Variants in OGFOD1 observed in about 807,000 individuals in gnomAD.
The protein encoded by OGFOD1 is prolyl 3-hydroxylase OGFOD1.
OGFOD1 carries 54 observed loss-of-function variants against 67.7 expected under a neutral mutation model. The observed-to-expected ratio is 0.80, with a 90% CI of 0.64 to 1.00. The LOEUF is 1.00. Among genes scored for constraint, OGFOD1 ranks in the 50% least tolerant of loss-of-function variants. OGFOD1 has a pLI of 0.00. For missense variants in OGFOD1, 606 were observed against 646.7 expected, an observed-to-expected ratio of 0.94 and a Z score of 0.68; for synonymous variants, 221 against 227.0, an observed-to-expected ratio of 0.97 and a Z score of 0.24.
In OGFOD1 at chr16:56,476,348, T is replaced by C. The variant is rs962504233; in HGVS notation, c.*143T>C. On this transcript the variant is annotated 3_prime_UTR_variant, in exon 13 of 13. Transcript: ENST00000566157. ...ACTGGTTGTCTTTTACTAGGACTCA[T>C]AATGATTGTCCTCAACCGAGACCTT... 4 of 646,824 alleles carry C rather than the reference T, an allele frequency of 6.2e-6. No individual in the cohort carries two copies. Among genetic ancestry groups the C allele is most frequent in the African/African-American group, 5.6e-5 (3 of 53,330 alleles). The allele number at this position is 646,824 out of a possible 1,614,324, so 40.1% of individuals were successfully genotyped here. A position where few individuals can be genotyped will look rare whatever the true frequency, so the allele number is the denominator to read the frequency against.
At chr16:56,471,286 G>A (rs779761250) in intron 10 of OGFOD1, among the ~76,000 whole-genome samples, 1 of 151,754 alleles carries the variant, frequency 6.6e-6, no homozygotes, top group Non-Finnish European at 1.5e-5. Context: ...CACTTGAACC[G>A]GGGAGGAGGA....
intron 1 of OGFOD1, among the ~76,000 whole-genome samples, chr16:56,452,642 G>C (rs1962380087): frequency 6.6e-6 from 1 of 152,118 alleles, no homozygotes; most frequent in Non-Finnish European, 1.5e-5. Context: ...CTGTAGAATG[G>C]GGAGAGTGAT....
At chr16:56,452,817 G>A (rs143254332) in intron 1 of OGFOD1, among the ~76,000 whole-genome samples, 1 of 152,004 alleles carries the variant, frequency 6.6e-6, no homozygotes, top group Non-Finnish European at 1.5e-5. Flanking sequence ...GAACTGAACT[G>A]ATTTTTTTTT....
At chr16:56,453,181 T>G in intron 1 of OGFOD1, 82 bp from the exon 2 acceptor site, 1 of 1,422,176 alleles carries the variant, frequency 7.0e-7, no homozygotes, top group Non-Finnish European at 9.5e-7. Flanking sequence ...GACCATCCCC[T>G]TTTGTATTAG....
chr16:56,472,133 C>A (rs1327161625), intron 10 of OGFOD1, among the ~76,000 whole-genome samples: 2 of 151,692 alleles, frequency 1.3e-5, no homozygotes, highest in Non-Finnish European at 2.9e-5. Flanking sequence ...AACTAATTTT[C>A]TTGATTTTTT....
chr16:56,468,552 T>C (rs1266355448), intron 8 of OGFOD1, among the ~76,000 whole-genome samples: 1 of 151,928 alleles, frequency 6.6e-6, no homozygotes, highest in African/African-American at 2.4e-5. Context: ...TGAAACCCCA[T>C]CTCTACTAGA....
intron 4 of OGFOD1, among the ~76,000 whole-genome samples, chr16:56,463,341 A>G (rs1962780292): frequency 7.0e-6 from 1 of 142,106 alleles, no homozygotes; most frequent in African/African-American, 2.7e-5. Context: ...AGGAAAAGCC[A>G]TATCATGTAT....
At chr16:56,462,347 ATTAGAC>A (rs1365997169) in intron 3 of OGFOD1, among the ~76,000 whole-genome samples, 181 bp from the exon 4 acceptor site, 6 of 152,322 alleles carry the variant, frequency 3.9e-5, no homozygotes, top group African/African-American at 7.2e-5. Context: ...TTCTGGGAAC[ATTAGAC>A]TTAAACTATG....
At chr16:56,473,180 C>A (rs138799895) in intron 10 of OGFOD1, among the ~76,000 whole-genome samples, 1 of 152,080 alleles carries the variant, frequency 6.6e-6, no homozygotes, top group Non-Finnish European at 1.5e-5. Flanking sequence ...TCCGCCCACC[C>A]TGGCCTCCCA....
At chr16:56,472,455 A>G (rs944583442) in intron 10 of OGFOD1, among the ~76,000 whole-genome samples, 2 of 152,234 alleles carry the variant, frequency 1.3e-5, no homozygotes, top group African/African-American at 4.8e-5. Flanking sequence ...ACTGTTTACG[A>G]AGTTTACCAT....
rs763472727 is a variant in OGFOD1, at chr16:56,451,782, C to T, written c.154+16C>T. The T allele has an allele frequency of 1.9e-6, 3 of 1,611,204 alleles. No individual in the cohort carries two copies. Among genetic ancestry groups the T allele is most frequent in the Admixed American group, 1.7e-5 (1 of 59,944 alleles). ...TTCAGTCACGGTAACCGGGTGCTCT[C>T]AGGGAGGGGCCGCCACGCAGAGGTC... On this transcript the variant is annotated intron_variant, in intron 1 of 12. Transcript: ENST00000566157.
Position 56,469,824 on chromosome 16 carries a change from T to C in OGFOD1, c.901-179T>C, listed in dbSNP as rs181725852. Reference sequence around the variant, plus strand: ...GAGATCACGCCATTGTACTCCAGCCTGGGCAACAAGAGTGAAACTCCATCT... The same window carrying C: ...GAGATCACGCCATTGTACTCCAGCCCGGGCAACAAGAGTGAAACTCCATCT... On this transcript the variant is annotated intron_variant, in intron 8 of 12. Transcript: ENST00000566157. Among the ~76,000 whole-genome samples, 389 of 111,858 alleles carry C rather than the reference T, an allele frequency of 3.5e-3. 2 individuals carry two copies. Among genetic ancestry groups the C allele is most frequent in the African/African-American group, 0.014 (372 of 26,530 alleles). 73.4% of individuals were successfully genotyped at this position (111,858 alleles called of 152,430 possible).
intron 5 of OGFOD1, 85 bp from the exon 6 acceptor site, chr16:56,466,791 A>C: frequency 1.0e-6 from 1 of 991,092 alleles, no homozygotes; most frequent in Non-Finnish European, 1.6e-6. Context: ...AGATGCCCTC[A>C]GAAGTTTGGA....
intron 8 of OGFOD1, 71 bp downstream of exon 8, chr16:56,468,089 G>A: frequency 1.3e-6 from 1 of 747,758 alleles, no homozygotes; most frequent in Non-Finnish European, 2.4e-6. Flanking sequence ...GGGTGAATAG[G>A]CATCACTGGG....
intron 3 of OGFOD1, among the ~76,000 whole-genome samples, chr16:56,459,661 C>T (rs11649379): frequency 0.24 from 37,198 of 151,876 alleles, 5,114 homozygotes; most frequent in African/African-American, 0.37. Flanking sequence ...AGCATTTTTT[C>T]CTTAGTGATA....
Position 56,469,991 on chromosome 16 carries a change from C to T in OGFOD1, c.901-12C>T, listed in dbSNP as rs1317825393. ...GATCTGCTGAATGCTTCTTTATTTG[C>T]TCATTTTCTAGCCTGAGAAATTCAC... On this transcript the variant is annotated splice_polypyrimidine_tract_variant and intron_variant, in intron 8 of 12. Coordinates refer to ENST00000566157, the MANE Select transcript of OGFOD1 (RefSeq NM_018233.4). 5 of 1,612,852 alleles carry T rather than the reference C, an allele frequency of 3.1e-6. No homozygotes were observed. Among genetic ancestry groups the T allele is most frequent in the African/African-American group, 1.3e-5 (1 of 74,782 alleles).
intron 10 of OGFOD1, among the ~76,000 whole-genome samples, chr16:56,473,274 TAGA>T (rs1210825662): frequency 6.6e-6 from 1 of 152,224 alleles, no homozygotes; most frequent in East Asian, 1.9e-4. Flanking sequence ...ATTGCATTTC[TAGA>T]AGCTTTTATT....
At chr16:56,451,535 G>T, upstream of OGFOD1, 1 of 1,500,472 alleles carries the variant, frequency 6.7e-7, no homozygotes, top group South Asian at 1.2e-5. Context: ...ACGATAAAGG[G>T]GACATGCCGG....
rs557939641 is a variant in OGFOD1, at chr16:56,473,173, G to A, written c.1286-1655G>A. Among the ~76,000 whole-genome samples the A allele has an allele frequency of 1.1e-3, 172 of 151,996 alleles. 1 individual carries two copies. Among genetic ancestry groups the A allele is most frequent in the African/African-American group, 4.0e-3 (167 of 41,426 alleles). ...TCTCCATCTCTTGACCTCATGATCC[G>A]CCCACCCTGGCCTCCCAAAGTGCTG... On this transcript the variant is annotated intron_variant, in intron 10 of 12. Transcript: ENST00000566157.
Sources: gnomAD v4.1 joint callset for allele counts (sites outside exome capture counted in the v4.1 genomes callset) on GRCh38, gnomAD v4.1.1 for gene constraint, MANE v1.5 for transcripts, NCBI Gene and HGNC (gene_info 2026-07-23, HGNC 2026-07-21) for gene names.